Variants in TRIM49C observed in about 807,000 individuals in gnomAD.
TRIM49C encodes tripartite motif-containing protein 49C.
In TRIM49C, 6 loss-of-function variants were observed where a neutral mutation model predicts 21.4. The observed-to-expected ratio is 0.28, with a 90% CI of 0.15 to 0.55. The LOEUF (loss-of-function observed/expected upper bound fraction) is 0.55, where lower values mean the gene tolerates loss of function less well. Ranked by LOEUF, TRIM49C falls within the 20% of genes least tolerant of loss-of-function variation. The probability of loss-of-function intolerance (pLI) is 0.94; values close to 1 mark genes in which losing one functional copy is unlikely to be tolerated. For missense variants in TRIM49C, 161 were observed against 442.4 expected (o/e 0.36, Z 5.71); for synonymous variants, 57 against 148.1 (o/e 0.38, Z 4.47).
chr11:90,062,660 G>A, the TRIM49C span: 7 of 1,485,636 alleles, frequency 4.7e-6, no homozygotes, highest in Non-Finnish European at 6.3e-6. Flanking sequence ...ACTCAGAGCA[G>A]GGCCCACAGA....
the TRIM49C span, chr11:90,053,838 C>T: frequency 2.1e-5 from 3 of 141,286 alleles, no homozygotes; most frequent in South Asian, 2.4e-4. Flanking sequence ...CCCTAGCTCC[C>T]GCCCCAAGCC....
intron 1 of TRIM49C, among the ~76,000 whole-genome samples, chr11:90,031,692 T>G (rs1458151648): frequency 6.6e-6 from 1 of 151,380 alleles, no homozygotes; most frequent in Non-Finnish European, 1.5e-5. Context: ...TGGTGAAGTT[T>G]TGTAAATTCA....
the TRIM49C span, among the ~76,000 whole-genome samples, chr11:90,067,658 T>TA: frequency 2.1e-5 from 3 of 141,432 alleles, no homozygotes; most frequent in Admixed American, 7.7e-5. Context: ...TAGCTATCAA[T>TA]AGCCTACTGT....
chr11:90,073,227 C>T, the TRIM49C span: 1 of 904,174 alleles, frequency 1.1e-6, no homozygotes, highest in Non-Finnish European at 1.7e-6. Flanking sequence ...CCAATGTTTC[C>T]TCACTATGTA....
At chr11:90,071,683 T>A in the TRIM49C span, 468 of 1,233,476 alleles carry the variant, frequency 3.8e-4, 63 homozygotes, top group Non-Finnish European at 5.0e-4. Flanking sequence ...CAACTCAACC[T>A]ACTTCCTTGC....
the TRIM49C span, among the ~76,000 whole-genome samples, chr11:90,061,610 GT>G: frequency 7.2e-4 from 68 of 93,804 alleles, 14 homozygotes; most frequent in East Asian, 0.011. Flanking sequence ...ATATTATGCA[GT>G]TTTTTTTTAC....
At chr11:90,066,702 C>T in the TRIM49C span, among the ~76,000 whole-genome samples, 4 of 123,824 alleles carry the variant, frequency 3.2e-5, no homozygotes, top group African/African-American at 1.2e-4. Context: ...ATGTACATAA[C>T]TATAACAATG....
chr11:90,065,623 G>A, the TRIM49C span, among the ~76,000 whole-genome samples: 13 of 141,154 alleles, frequency 9.2e-5, 4 homozygotes, highest in African/African-American at 3.3e-4. Flanking sequence ...AGTTTGGAAT[G>A]AGACGCAAGA....
chr11:90,055,765 G>A, the TRIM49C span, among the ~76,000 whole-genome samples: 14 of 146,550 alleles, frequency 9.6e-5, no homozygotes, highest in Admixed American at 3.5e-4. Context: ...GCACACAGAG[G>A]TAAAATTCAC....
At chr11:90,040,998 T>G in intron 7 of TRIM49C, 53 bp from the exon 8 acceptor site, 1 of 1,469,428 alleles carries the variant, frequency 6.8e-7, no homozygotes, top group East Asian at 2.4e-5. Context: ...CAATTATTTT[T>G]TTCTTATTTA....
downstream of TRIM49C, among the ~76,000 whole-genome samples, chr11:90,043,480 C>T (rs1192321467): frequency 2.1e-4 from 26 of 121,902 alleles, 9 homozygotes; most frequent in South Asian, 1.2e-3. Flanking sequence ...ATTATAAATA[C>T]GCTAATTATA....
chr11:90,045,180 C>G (rs1590918576), downstream of TRIM49C, among the ~76,000 whole-genome samples: 1 of 136,696 alleles, frequency 7.3e-6, no homozygotes, highest in African/African-American at 2.7e-5. Flanking sequence ...TTACTGTAGC[C>G]TTGTAGTATA....
the TRIM49C span, among the ~76,000 whole-genome samples, chr11:90,065,589 T>G: frequency 7.1e-6 from 1 of 140,696 alleles, no homozygotes; most frequent in Non-Finnish European, 1.5e-5. Flanking sequence ...AAACCAGACT[T>G]GAGGGCTCAA....
rs79981848 is a variant in TRIM49C at position 90,036,093 on chromosome 11, A to T, written c.507+110A>T. On this transcript the variant is annotated intron_variant, in intron 4 of 7. Transcript: ENST00000448984. ...GTAATGTTTCTGGGATACAGTAAAAAAAAAAAGGCGAGAGAAAACATTGAG... is the reference window on the plus strand; with the variant it reads ...GTAATGTTTCTGGGATACAGTAAAATAAAAAAGGCGAGAGAAAACATTGAG... The T allele has an allele frequency of 1.3e-3, 1,455 of 1,110,532 alleles. 438 individuals are homozygous for T. The Admixed American group carries it at 0.044, about 33-fold the overall frequency. 68.8% of individuals were successfully genotyped at this position (1,110,532 alleles called of 1,614,324 possible). A position where few individuals can be genotyped will look rare whatever the true frequency, so the allele number is the denominator to read the frequency against.
chr11:90,065,772 C>T, the TRIM49C span, among the ~76,000 whole-genome samples: 240 of 139,112 alleles, frequency 1.7e-3, 34 homozygotes, highest in South Asian at 0.027. Flanking sequence ...CTGGCCAAGA[C>T]AGTGAAACTC....
downstream of TRIM49C, among the ~76,000 whole-genome samples, chr11:90,045,469 T>C (rs370260129): frequency 1.6e-3 from 95 of 58,494 alleles, 13 homozygotes; most frequent in East Asian, 0.04. Flanking sequence ...TGGTTTGTAG[T>C]TCTCCTTGAA....
the TRIM49C span, among the ~76,000 whole-genome samples, chr11:90,060,226 A>ATT: frequency 3.6e-5 from 5 of 137,578 alleles, no homozygotes; most frequent in Non-Finnish European, 7.8e-5. Flanking sequence ...CAGAAATAAC[A>ATT]TTTTTTTTTA....
chr11:90,031,783 A>G (rs1229052727), intron 1 of TRIM49C, among the ~76,000 whole-genome samples: 28 of 148,146 alleles, frequency 1.9e-4, no homozygotes, highest in African/African-American at 4.7e-4. Context: ...AACAAAAAGG[A>G]AAGTTTTATC....
At chr11:90,066,696 A>T in the TRIM49C span, among the ~76,000 whole-genome samples, 5 of 123,832 alleles carry the variant, frequency 4.0e-5, 1 homozygote, top group African/African-American at 1.4e-4. Context: ...ATATATATGT[A>T]CATAACTATA....
Sources: allele counts gnomAD v4.1 joint callset (sites outside exome capture counted in the v4.1 genomes callset), GRCh38; gene constraint gnomAD v4.1.1; transcripts MANE v1.5; gene names NCBI Gene and HGNC (gene_info 2026-07-23, HGNC 2026-07-21).